The following EVA1C variants were observed in gnomAD, a reference collection of about 807,000 sequenced individuals.
The protein encoded by EVA1C is protein eva-1 homolog C.
In EVA1C, 25 loss-of-function variants were observed where a neutral mutation model predicts 45.4. The ratio of observed to expected loss-of-function variants is 0.55; its 90% CI spans 0.40 to 0.77. The LOEUF (loss-of-function observed/expected upper bound fraction) is 0.77. Among genes scored for constraint, EVA1C ranks in the 30% least tolerant of loss-of-function variants. The probability of loss-of-function intolerance (pLI) is 0.00; values close to 1 mark genes in which losing one functional copy is unlikely to be tolerated. For missense variants in EVA1C, 479 were observed against 554.8 expected (o/e 0.86, Z 1.37); for synonymous variants, 190 against 221.2 (o/e 0.86, Z 1.25).
intron 4 of EVA1C, among the ~76,000 whole-genome samples, chr21:32,485,189 C>G (rs1026548337): frequency 2.0e-4 from 30 of 152,120 alleles, no homozygotes; most frequent in African/African-American, 6.3e-4. Context: ...GTTGATCACT[C>G]TCTTTTTTTT....
At chr21:32,415,899 T>G (rs1277118576) in intron 1 of EVA1C, among the ~76,000 whole-genome samples, 1 of 152,252 alleles carries the variant, frequency 6.6e-6, no homozygotes, top group African/African-American at 2.4e-5. Flanking sequence ...TCCACTTTCC[T>G]CTTTGGGATA....
chr21:32,444,980 G>A (rs994133268), intron 1 of EVA1C, among the ~76,000 whole-genome samples: 1 of 152,090 alleles, frequency 6.6e-6, no homozygotes, highest in Non-Finnish European at 1.5e-5. Flanking sequence ...ACATCATTCT[G>A]GTATAAATCA....
chr21:32,512,692 G>C (rs1028106605), intron 7 of EVA1C, among the ~76,000 whole-genome samples: 3 of 152,180 alleles, frequency 2.0e-5, no homozygotes, highest in Non-Finnish European at 4.4e-5. Context: ...AAATGGATGG[G>C]ATTCAGCTTC....
chr21:32,460,934 C>G (rs922220299), intron 3 of EVA1C, among the ~76,000 whole-genome samples: 11 of 152,126 alleles, frequency 7.2e-5, no homozygotes, highest in Admixed American at 1.3e-4. Context: ...TTAGTAGAGA[C>G]AGGGTTTCAC....
At chr21:32,442,132 T>C (rs2035199286) in intron 1 of EVA1C, among the ~76,000 whole-genome samples, 2 of 152,022 alleles carry the variant, frequency 1.3e-5, no homozygotes, top group African/African-American at 4.8e-5. Flanking sequence ...GGGAAGAAAA[T>C]ATATTGTCTC....
At chr21:32,514,030 T>G (rs2038056952) in intron 7 of EVA1C, among the ~76,000 whole-genome samples, 1 of 152,192 alleles carries the variant, frequency 6.6e-6, no homozygotes, top group Non-Finnish European at 1.5e-5. Context: ...ACCTAGCATT[T>G]CCATTGCATT....
At chr21:32,449,333 T>A (rs993287391) in intron 1 of EVA1C, among the ~76,000 whole-genome samples, 1 of 152,198 alleles carries the variant, frequency 6.6e-6, no homozygotes, top group African/African-American at 2.4e-5. Context: ...CACAGGGTAG[T>A]TGCAATGCCC....
intron 1 of EVA1C, among the ~76,000 whole-genome samples, chr21:32,416,904 T>C (rs945363021): frequency 2.0e-5 from 3 of 152,190 alleles, no homozygotes; most frequent in African/African-American, 7.2e-5. Flanking sequence ...CTTTAAGGCC[T>C]TCCTTGTACC....
chr21:32,417,557 T>G (rs376747010), intron 1 of EVA1C, among the ~76,000 whole-genome samples: 5 of 152,218 alleles, frequency 3.3e-5, no homozygotes, highest in African/African-American at 1.2e-4. Flanking sequence ...ATGTTTGAAT[T>G]TTAGTGGGAT....
At chr21:32,508,880 A>G (rs1601073522) in intron 7 of EVA1C, among the ~76,000 whole-genome samples, 1 of 152,238 alleles carries the variant, frequency 6.6e-6, no homozygotes, top group Non-Finnish European at 1.5e-5. Flanking sequence ...ATGGGCATGC[A>G]ACAGCTGATC....
chr21:32,449,110 A>G (rs1269526446), intron 1 of EVA1C, among the ~76,000 whole-genome samples: 1 of 151,910 alleles, frequency 6.6e-6, no homozygotes, highest in Non-Finnish European at 1.5e-5. Context: ...ATCAACCTCT[A>G]CTCCTACCTG....
At chr21:32,442,737 G>A (rs2035222899) in intron 1 of EVA1C, among the ~76,000 whole-genome samples, 1 of 150,908 alleles carries the variant, frequency 6.6e-6, no homozygotes, top group Non-Finnish European at 1.5e-5. Context: ...TTTCCCAGAA[G>A]TAAGATTGTG....
chr21:32,508,594 AATC>A (rs907391253), intron 7 of EVA1C, among the ~76,000 whole-genome samples: 4 of 152,206 alleles, frequency 2.6e-5, no homozygotes, highest in Non-Finnish European at 4.4e-5. Flanking sequence ...CACGGTCTCC[AATC>A]TCTAGTTCCA....
chr21:32,514,750 G>C (rs1444891758), intron 7 of EVA1C, 64 bp from the exon 8 acceptor site: 10 of 1,485,790 alleles, frequency 6.7e-6, no homozygotes, highest in Non-Finnish European at 8.9e-6. Context: ...GTTTCTGTGG[G>C]ACTTGGCACT....
At chr21:32,457,188 T>C (rs909959624) in intron 2 of EVA1C, among the ~76,000 whole-genome samples, 1 of 152,206 alleles carries the variant, frequency 6.6e-6, no homozygotes, top group Non-Finnish European at 1.5e-5. Context: ...CTGTGAATCC[T>C]GATGGTCACA....
chr21:32,486,548 A>T (rs1214529220), intron 4 of EVA1C, among the ~76,000 whole-genome samples: 2 of 152,142 alleles, frequency 1.3e-5, no homozygotes, highest in Non-Finnish European at 2.9e-5. Flanking sequence ...CTATATTTTT[A>T]AATTTCCTAT....
At chr21:32,449,627 GT>G (rs59516994) in intron 1 of EVA1C, among the ~76,000 whole-genome samples, 134 of 142,788 alleles carry the variant, frequency 9.4e-4, no homozygotes, top group Middle Eastern at 7.4e-3. Flanking sequence ...TTTTTGTTTT[GT>G]TTTTTTTTTT....
chr21:32,496,883 A>G, intron 5 of EVA1C: 1 of 1,076,576 alleles, frequency 9.3e-7, no homozygotes, highest in Non-Finnish European at 1.4e-6. Context: ...TTCAGAGTTG[A>G]TGTTGGAGGG....
intron 4 of EVA1C, among the ~76,000 whole-genome samples, chr21:32,485,541 C>A (rs986144074): frequency 5.9e-5 from 9 of 152,116 alleles, no homozygotes; most frequent in Admixed American, 5.2e-4. Flanking sequence ...AGAACCTTCT[C>A]TCTCTAATCC....
Sources: allele counts gnomAD v4.1 joint callset (sites outside exome capture counted in the v4.1 genomes callset), GRCh38; gene constraint gnomAD v4.1.1; transcripts MANE v1.5; gene names NCBI Gene and HGNC (gene_info 2026-07-23, HGNC 2026-07-21).